RBM18: variants seen among roughly 807,000 people sequenced by gnomAD.
RBM18 encodes the protein probable RNA-binding protein 18.
RBM18 carries 18 observed loss-of-function variants against 26.4 expected under a neutral mutation model. That is an observed-to-expected ratio of 0.68 (90% CI 0.47 to 1.01). RBM18 has a LOEUF of 1.01. RBM18 is among the 50% of genes least tolerant of loss of function. The pLI is 0.00. For missense variants in RBM18, 180 were observed against 219.2 expected (o/e 0.82, Z 1.13); for synonymous variants, 74 against 81.1 (o/e 0.91, Z 0.47).
At chr9:122,260,569 G>A (rs1451810941) in intron 2 of RBM18, among the ~76,000 whole-genome samples, 2 of 152,138 alleles carry the variant, frequency 1.3e-5, no homozygotes, top group Non-Finnish European at 2.9e-5. Flanking sequence ...AATCAATTTC[G>A]TGAACTCGGG....
chr9:122,261,382 G>C lies in RBM18; in HGVS notation c.111C>G (p.Thr37=). Residue 37 remains threonine, a splice_region_variant and synonymous_variant, in exon 2 of 6, where the codon ACC becomes ACG. Transcript: ENST00000417201. ...AAACTAAGGTAACTTAGACTTACTC[G>C]GTAATTTTGGGGTCCAGGTTGCCAA... The part of the protein sequence containing the change: ...LWIGNLDPKI[T]EYHLLKLLQK... The C allele has an allele frequency of 6.2e-7, 1 of 1,606,262 alleles. No homozygotes were observed. The highest frequency in any genetic ancestry group is 1.1e-5 in the South Asian group (1 of 90,942).
At chr9:122,244,585 T>C (rs1371907699) in intron 5 of RBM18, among the ~76,000 whole-genome samples, 2 of 152,212 alleles carry the variant, frequency 1.3e-5, no homozygotes, top group Non-Finnish European at 2.9e-5. Context: ...ATAAAGTGTT[T>C]AGCACAGTGC....
chr9:122,250,535 T>C (rs966626925), intron 3 of RBM18, among the ~76,000 whole-genome samples: 3 of 152,172 alleles, frequency 2.0e-5, no homozygotes, highest in Admixed American at 6.5e-5. Context: ...TACAATAAAA[T>C]GCCCAAATCT....
At chr9:122,258,845 G>C (rs1385797388) in intron 2 of RBM18, among the ~76,000 whole-genome samples, 3 of 143,364 alleles carry the variant, frequency 2.1e-5, no homozygotes, top group Non-Finnish European at 4.5e-5. Flanking sequence ...AGCTACCCAG[G>C]AGTTCTAGGT....
At position 122,238,147 on chromosome 9, in the gene RBM18, G is replaced by A. The variant is rs1456637512; in HGVS notation, c.*3737C>T. The A allele has an allele frequency of 6.6e-6, 1 of 152,152 alleles. No individual in the cohort carries two copies. The highest frequency in any genetic ancestry group is 1.5e-5 in the Non-Finnish European group (1 of 68,046). 9.4% of individuals were successfully genotyped at this position (152,152 alleles called of 1,614,324 possible). A position where few individuals can be genotyped will look rare whatever the true frequency, so the allele number is the denominator to read the frequency against. ...CCGTTTTCCCCATCTGGACAATGAG[G>A]GGGCTATATGAGATGGTCTCTTAAG... On this transcript the variant is annotated 3_prime_UTR_variant, in exon 6 of 6. Coordinates refer to ENST00000417201, the MANE Select transcript of RBM18 (RefSeq NM_033117.4).
rs893692797 is a variant in RBM18 at position 122,239,835 on chromosome 9, G to C, written c.*2049C>G. The C allele has an allele frequency of 3.9e-5, 6 of 152,222 alleles. No individual in the cohort carries two copies. Among genetic ancestry groups the C allele is most frequent in the Non-Finnish European group, 7.3e-5 (5 of 68,042 alleles). The allele number at this position is 152,222 out of a possible 1,614,324, so 9.4% of individuals were successfully genotyped here. Reference sequence around the variant, plus strand: ...AACAACAGAGGTAGGCAGGCATAAAGGGTAAAGAGAGTTGCCTCTCAGTTT... The same window carrying C: ...AACAACAGAGGTAGGCAGGCATAAACGGTAAAGAGAGTTGCCTCTCAGTTT... On this transcript the variant is annotated 3_prime_UTR_variant, in exon 6 of 6. Transcript: ENST00000417201.
Position 122,261,382 on chromosome 9 carries a change from G to A in RBM18, c.111C>T (p.Thr37=), listed in dbSNP as rs111841724. The part of the protein sequence containing the change: ...LWIGNLDPKI[T]EYHLLKLLQK... Reference sequence around the variant, plus strand: ...AAACTAAGGTAACTTAGACTTACTCGGTAATTTTGGGGTCCAGGTTGCCAA... The same window carrying A: ...AAACTAAGGTAACTTAGACTTACTCAGTAATTTTGGGGTCCAGGTTGCCAA... The change falls in exon 2 of 6, where the codon ACC becomes ACT. Residue 37 remains threonine, a splice_region_variant and synonymous_variant. Coordinates refer to ENST00000417201, the MANE Select transcript of RBM18 (RefSeq NM_033117.4). 3.3e-5 allele frequency: 53 copies of A among 1,606,146 alleles called. No individual in the cohort carries two copies. In the African/African-American group the frequency reaches 4.0e-4, roughly 12 times the overall value.
Position 122,254,681 on chromosome 9 carries a change from A to G in RBM18, c.114-2708T>C, listed in dbSNP as rs376654079. On this transcript the variant is annotated intron_variant, in intron 2 of 5. Transcript: ENST00000417201. ...TGGCACAGAAATAATTAATCTATAC[A>G]CATGTTAAAATAGATACCTACAATG... 2.8e-3 allele frequency among the ~76,000 whole-genome samples: 433 copies of G among 152,326 alleles called. 2 individuals are homozygous for G. The highest frequency in any genetic ancestry group is 0.01 in the African/African-American group (418 of 41,580).
Position 122,240,812 on chromosome 9 carries a change from C to T in RBM18, c.*1072G>A, listed in dbSNP as rs1389067450. The T allele has an allele frequency of 6.6e-6, 1 of 152,174 alleles. No homozygotes were observed. The highest frequency in any genetic ancestry group is 2.4e-5 in the African/African-American group (1 of 41,446). The allele number at this position is 152,174 out of a possible 1,614,324, so 9.4% of individuals were successfully genotyped here. Reference sequence around the variant, plus strand: ...AAGGCATGCAGTCCTTTAAAACTACCTACCACACAGAGTCATTACAGTCTT... The same window carrying T: ...AAGGCATGCAGTCCTTTAAAACTACTTACCACACAGAGTCATTACAGTCTT... On this transcript the variant is annotated 3_prime_UTR_variant, in exon 6 of 6. Transcript: ENST00000417201.
chr9:122,264,012 A>G (rs939910478), intron 1 of RBM18, among the ~76,000 whole-genome samples: 5 of 152,176 alleles, frequency 3.3e-5, no homozygotes, highest in African/African-American at 1.2e-4. Context: ...TGCTAATTCA[A>G]TGTATTACTT....
chr9:122,253,532 T>C (rs1026664827), intron 2 of RBM18, among the ~76,000 whole-genome samples: 8 of 152,018 alleles, frequency 5.3e-5, no homozygotes, highest in African/African-American at 9.7e-5. Flanking sequence ...ACACCTTAAG[T>C]GCAAATGTGT....
intron 2 of RBM18, among the ~76,000 whole-genome samples, chr9:122,255,453 A>G (rs1291815458): frequency 2.0e-5 from 3 of 152,146 alleles, no homozygotes; most frequent in African/African-American, 7.2e-5. Flanking sequence ...CCAGGAGGAC[A>G]TTTCCACCTG....
chr9:122,257,497 T>A (rs1054902657), intron 2 of RBM18, among the ~76,000 whole-genome samples: 10 of 151,736 alleles, frequency 6.6e-5, no homozygotes, highest in Non-Finnish European at 1.2e-4. Context: ...ACAAGACGAG[T>A]AATATTAGAG....
rs1831378745 is a variant in RBM18, at chr9:122,239,596, C to T, written c.*2288G>A. On this transcript the variant is annotated 3_prime_UTR_variant, in exon 6 of 6. Transcript: ENST00000417201. The stretch of plus-strand genomic sequence containing the variant: ...ATAATTTTACTTAAAGTACAGACAA[C>T]CTCCTAACAAAGAGTTGACCAAGTT... The T allele has an allele frequency of 6.6e-6, 1 of 152,170 alleles. No homozygotes were observed. The highest frequency in any genetic ancestry group is 2.4e-5 in the African/African-American group (1 of 41,432). The allele number at this position is 152,170 out of a possible 1,614,324, so 9.4% of individuals were successfully genotyped here.
intron 3 of RBM18, among the ~76,000 whole-genome samples, chr9:122,248,991 A>G (rs1039628018): frequency 1.3e-5 from 2 of 152,212 alleles, no homozygotes; most frequent in African/African-American, 4.8e-5. Flanking sequence ...ACAAAGCTAG[A>G]GTGACAGGTA....
Position 122,238,490 on chromosome 9 carries a change from T to C in RBM18, c.*3394A>G, listed in dbSNP as rs936823507. The C allele has an allele frequency of 6.6e-6, 1 of 152,310 alleles. No homozygotes were observed. The highest frequency in any genetic ancestry group is 6.5e-5 in the Admixed American group (1 of 15,300). 9.4% of individuals were successfully genotyped at this position (152,310 alleles called of 1,614,324 possible). On this transcript the variant is annotated 3_prime_UTR_variant, in exon 6 of 6. Transcript: ENST00000417201. Reference sequence around the variant, plus strand: ...ACATGAGTCAGGTGAGAGAGCGGGCTCTGCGGCTATCTGGAGAAAGAGCGT... The same window carrying C: ...ACATGAGTCAGGTGAGAGAGCGGGCCCTGCGGCTATCTGGAGAAAGAGCGT...
chr9:122,264,069 C>T (rs1420669277), intron 1 of RBM18, among the ~76,000 whole-genome samples: 1 of 152,250 alleles, frequency 6.6e-6, no homozygotes, highest in Non-Finnish European at 1.5e-5. Flanking sequence ...GCTCCCACAG[C>T]ACAGGACCTT....
At chr9:122,252,198 C>T (rs1383801513) in intron 2 of RBM18, among the ~76,000 whole-genome samples, 4 of 152,144 alleles carry the variant, frequency 2.6e-5, no homozygotes, top group Non-Finnish European at 4.4e-5. Flanking sequence ...CTGTCCAACA[C>T]AAAAATACCA....
intron 1 of RBM18, among the ~76,000 whole-genome samples, chr9:122,262,538 C>G (rs2118979086): frequency 6.6e-6 from 1 of 152,266 alleles, no homozygotes; most frequent in South Asian, 2.1e-4. Context: ...GAGCAGAAAC[C>G]TTGGTGTCAG....
Sources: allele counts gnomAD v4.1 joint callset (sites outside exome capture counted in the v4.1 genomes callset), GRCh38; gene constraint gnomAD v4.1.1; transcripts MANE v1.5; gene names NCBI Gene and HGNC (gene_info 2026-07-23, HGNC 2026-07-21).